NELL1: variants seen among roughly 807,000 people sequenced by gnomAD.
The protein encoded by NELL1 is protein kinase C-binding protein NELL1.
Under a neutral mutation model 107.4 loss-of-function variants are expected in NELL1, and 76 were observed. The ratio of observed to expected loss-of-function variants is 0.71; its 90% CI spans 0.59 to 0.86. The LOEUF (loss-of-function observed/expected upper bound fraction) is 0.86. Among genes scored for constraint, NELL1 ranks in the 40% least tolerant of loss-of-function variants. NELL1 has a pLI of 0.00. For missense variants in NELL1, 1,024 were observed against 1,005.5 expected, an observed-to-expected ratio of 1.02 and a Z score of -0.25; for synonymous variants, 353 against 341.2, an observed-to-expected ratio of 1.03 and a Z score of -0.38.
chr11:20,737,177 G>A (rs1307917922), intron 2 of NELL1, among the ~76,000 whole-genome samples: 3 of 151,918 alleles, frequency 2.0e-5, no homozygotes, highest in African/African-American at 7.3e-5. Flanking sequence ...AGCTCACATA[G>A]GCTCTGGAGT....
chr11:20,788,644 T>C (rs1564909786), intron 3 of NELL1, among the ~76,000 whole-genome samples: 1 of 152,216 alleles, frequency 6.6e-6, no homozygotes, highest in Non-Finnish European at 1.5e-5. Context: ...GGCGATCTTT[T>C]CATTTTCTTG....
chr11:21,258,486 A>G (rs1160376735), intron 14 of NELL1, among the ~76,000 whole-genome samples: 1 of 151,962 alleles, frequency 6.6e-6, no homozygotes, highest in Non-Finnish European at 1.5e-5. Flanking sequence ...TGTCTCATGC[A>G]ATTATGAAGG....
chr11:21,555,430 G>A (rs936881695), intron 16 of NELL1, among the ~76,000 whole-genome samples: 1 of 151,892 alleles, frequency 6.6e-6, no homozygotes, highest in Admixed American at 6.6e-5. Flanking sequence ...ATGAAAATGA[G>A]TAAATGCGGA....
At chr11:20,899,331 G>A (rs1266440777) in intron 5 of NELL1, among the ~76,000 whole-genome samples, 1 of 152,058 alleles carries the variant, frequency 6.6e-6, no homozygotes, top group Non-Finnish European at 1.5e-5. Flanking sequence ...ATAGTGAAAA[G>A]ATAACTAACC....
intron 12 of NELL1, among the ~76,000 whole-genome samples, chr11:21,027,073 CCT>C (rs1467830706): frequency 2.6e-5 from 4 of 152,018 alleles, no homozygotes; most frequent in African/African-American, 9.7e-5. Context: ...CATTTATTTT[CCT>C]CTCACTGAGC....
At chr11:21,211,104 T>G (rs1399134034) in intron 13 of NELL1, among the ~76,000 whole-genome samples, 2 of 152,174 alleles carry the variant, frequency 1.3e-5, no homozygotes, top group East Asian at 3.9e-4. Flanking sequence ...AAGAAAGACT[T>G]TCATAATACA....
intron 13 of NELL1, among the ~76,000 whole-genome samples, chr11:21,166,000 C>T (rs758531530): frequency 9.2e-5 from 14 of 151,616 alleles, no homozygotes; most frequent in Non-Finnish European, 1.9e-4. Context: ...AGTAAGCCAC[C>T]TGCCTTGACC....
At chr11:21,264,543 T>A (rs1848600300) in intron 14 of NELL1, among the ~76,000 whole-genome samples, 1 of 151,990 alleles carries the variant, frequency 6.6e-6, no homozygotes, top group South Asian at 2.1e-4. Context: ...CTAAACTACT[T>A]GGCTAAAATA....
intron 2 of NELL1, chr11:20,770,794 G>A (rs984795274): frequency 3.9e-5 from 6 of 152,214 alleles, no homozygotes; most frequent in Admixed American, 3.3e-4. Flanking sequence ...GTGAGCATGA[G>A]GGTAGCTATT....
Position 21,399,439 on chromosome 11 carries a change from G to T in NELL1, c.1645+28491G>T, listed in dbSNP as rs574221789. Among the ~76,000 whole-genome samples, 239 of 151,868 alleles carry T rather than the reference G, an allele frequency of 1.6e-3. 5 individuals are homozygous for T. In the South Asian group the frequency reaches 0.047, roughly 30 times the overall value. On this transcript the variant is annotated intron_variant, in intron 15 of 19. Coordinates refer to ENST00000357134, the MANE Select transcript of NELL1 (RefSeq NM_006157.5). ...TTTGAATTGTTATTTCAACATTAAT[G>T]TGTATCATTAAGCAACTTTCATAAC...
At chr11:20,669,576 C>G (rs989995624), upstream of NELL1, 279 of 522,272 alleles carry the variant, frequency 5.3e-4, 1 homozygote, top group Admixed American at 1.5e-4. This position sits in a 1 kb window ranked among gnomAD's most constrained non-coding sequence, Gnocchi z 4.4. Flanking sequence ...GGCGCATATG[C>G]GAGCGCAGCA....
intron 5 of NELL1, among the ~76,000 whole-genome samples, chr11:20,895,198 G>C (rs1849701555): frequency 7.6e-6 from 1 of 130,986 alleles, no homozygotes; most frequent in Non-Finnish European, 1.6e-5. Context: ...CGTGAACCCG[G>C]GAGGCGGAGC....
intron 2 of NELL1, among the ~76,000 whole-genome samples, chr11:20,696,222 C>A (rs889487804): frequency 2.0e-5 from 3 of 151,942 alleles, no homozygotes; most frequent in African/African-American, 7.2e-5. Context: ...CTTTCAAATA[C>A]CCAACTTTTG....
chr11:20,884,526 GT>G (rs11361556), intron 4 of NELL1, among the ~76,000 whole-genome samples: 151,621 of 152,296 alleles, frequency 1, 75,478 homozygotes, highest in East Asian at 1. Context: ...CCGGGGTGAG[GT>G]TGGAAGCTCG....
At chr11:21,200,584 G>T (rs1260451225) in intron 13 of NELL1, among the ~76,000 whole-genome samples, 1 of 152,138 alleles carries the variant, frequency 6.6e-6, no homozygotes, top group Non-Finnish European at 1.5e-5. Context: ...TCTGTAGGTT[G>T]CCTGTTCACC....
At position 21,560,238 on chromosome 11, in the gene NELL1, C is replaced by G; in HGVS notation, c.1836C>G (p.Ala612=). ...LRTHTCWNDS[A]CINLAGGFDC... ...CTCACACCTGTTGGAACGATTCTGC[C>G]TGCATCAACCTGGCAGGGGGCTTTG... The change falls in exon 17 of 20, where the codon GCC becomes GCG. Residue 612 remains alanine, a synonymous_variant. Transcript: ENST00000357134. The G allele has an allele frequency of 6.2e-7, 1 of 1,613,750 alleles. No individual in the cohort carries two copies. The highest frequency in any genetic ancestry group is 8.5e-7 in the Non-Finnish European group (1 of 1,179,754).
At chr11:20,940,029 G>T (rs1004695564) in intron 10 of NELL1, among the ~76,000 whole-genome samples, 1 of 152,144 alleles carries the variant, frequency 6.6e-6, no homozygotes, top group African/African-American at 2.4e-5. Flanking sequence ...GGTGGCTGCT[G>T]CAGCTAGAAT....
At chr11:20,908,125 A>G (rs538508824) in intron 5 of NELL1, among the ~76,000 whole-genome samples, 1 of 152,326 alleles carries the variant, frequency 6.6e-6, no homozygotes, top group African/African-American at 2.4e-5. Context: ...TAGTTCAACC[A>G]TTGTGGAAGA....
chr11:21,159,796 T>C (rs1329960166), intron 13 of NELL1, among the ~76,000 whole-genome samples: 4 of 152,158 alleles, frequency 2.6e-5, no homozygotes, highest in Non-Finnish European at 4.4e-5. Flanking sequence ...AACACAAAAG[T>C]CAAACACACC....
Sources: gnomAD v4.1 joint callset for allele counts (sites outside exome capture counted in the v4.1 genomes callset) on GRCh38, gnomAD v4.1.1 for gene constraint, Gnocchi (gnomAD v3.1) non-coding constraint, MANE v1.5 for transcripts, NCBI Gene and HGNC (gene_info 2026-07-23, HGNC 2026-07-21) for gene names.